The following DYM variants were observed in gnomAD, a reference collection of about 807,000 sequenced individuals.
DYM encodes dymeclin.
A neutral mutation model predicts 93.1 loss-of-function variants in DYM; 78 were observed. The ratio of observed to expected loss-of-function variants is 0.84; its 90% CI spans 0.70 to 1.01. The LOEUF (loss-of-function observed/expected upper bound fraction) is 1.01. Ranked by LOEUF, DYM falls within the 50% of genes least tolerant of loss-of-function variation. The pLI, the probability that DYM is intolerant of heterozygous loss-of-function variation, is 0.00. For missense variants in DYM, 789 were observed against 845.0 expected (o/e 0.93, Z 0.82); for synonymous variants, 321 against 319.7 (o/e 1.00, Z -0.04).
intron 14 of DYM, among the ~76,000 whole-genome samples, chr18:49,200,777 T>C (rs1415508008): frequency 2.0e-5 from 3 of 152,162 alleles, no homozygotes; most frequent in African/African-American, 4.8e-5. Context: ...ATGTAAATGA[T>C]GTTTTGATAT....
At chr18:49,310,651 T>C (rs2061535745) in intron 8 of DYM, among the ~76,000 whole-genome samples, 1 of 152,204 alleles carries the variant, frequency 6.6e-6, no homozygotes, top group Non-Finnish European at 1.5e-5. Context: ...GAGTATATAC[T>C]CATATCTGTA....
chr18:49,146,411 G>T (rs766189814), intron 15 of DYM, among the ~76,000 whole-genome samples: 8 of 152,182 alleles, frequency 5.3e-5, no homozygotes, highest in East Asian at 1.9e-4. Flanking sequence ...AATTGTCCCT[G>T]TTTGCAGATG....
intron 13 of DYM, among the ~76,000 whole-genome samples, chr18:49,230,400 C>A (rs766953476): frequency 3.9e-5 from 6 of 152,170 alleles, no homozygotes; most frequent in Non-Finnish European, 8.8e-5. Context: ...TCTCTCTACA[C>A]TTTTCACATG....
intron 8 of DYM, among the ~76,000 whole-genome samples, chr18:49,291,797 TG>T (rs2060130756): frequency 6.6e-6 from 1 of 152,184 alleles, no homozygotes; most frequent in African/African-American, 2.4e-5. Context: ...ATGACATAGT[TG>T]AAGAACTTGA....
chr18:49,243,877 G>A (rs748533213), intron 13 of DYM, among the ~76,000 whole-genome samples: 9 of 151,994 alleles, frequency 5.9e-5, no homozygotes, highest in Admixed American at 2.0e-4. Flanking sequence ...TGACAGAGTT[G>A]TATATACTTC....
intron 8 of DYM, among the ~76,000 whole-genome samples, chr18:49,309,137 A>C (rs2061441194): frequency 6.6e-6 from 1 of 152,150 alleles, no homozygotes; most frequent in African/African-American, 2.4e-5. Context: ...GTATAATTTA[A>C]ATATCTATGA....
rs1377050073 is a variant in DYM at position 49,167,599 on chromosome 18, C to G, written c.1626-3812G>C. Among the ~76,000 whole-genome samples, 4 of 152,136 alleles carry G rather than the reference C, an allele frequency of 2.6e-5. No homozygotes were observed. In the East Asian group the frequency reaches 7.7e-4, roughly 29 times the overall value. On this transcript the variant is annotated intron_variant, in intron 14 of 17. Coordinates refer to ENST00000675505, the MANE Select transcript of DYM (RefSeq NM_001353214.3). ...ATGTATACGAGACATGACTTGCAAACTGCTTAGTGAAAAGAGTAACTTTTG... is the reference window on the plus strand; with the variant it reads ...ATGTATACGAGACATGACTTGCAAAGTGCTTAGTGAAAAGAGTAACTTTTG...
At chr18:49,331,161 T>C (rs2063279230) in intron 8 of DYM, among the ~76,000 whole-genome samples, 1 of 152,010 alleles carries the variant, frequency 6.6e-6, no homozygotes, top group Non-Finnish European at 1.5e-5. Flanking sequence ...TTGGGAGGAG[T>C]AAGGAACTCC....
At chr18:49,246,358 G>A (rs1416023091) in intron 13 of DYM, among the ~76,000 whole-genome samples, 1 of 152,088 alleles carries the variant, frequency 6.6e-6, no homozygotes, top group African/African-American at 2.4e-5. Context: ...CTTGGAAAAG[G>A]TACTTTTTAA....
intron 6 of DYM, among the ~76,000 whole-genome samples, chr18:49,348,547 T>C (rs2064813523): frequency 6.6e-6 from 1 of 151,886 alleles, no homozygotes; most frequent in African/African-American, 2.4e-5. Context: ...ATCAACTTCA[T>C]CATATATAAA....
intron 2 of DYM, among the ~76,000 whole-genome samples, chr18:49,402,032 A>T (rs934359433): frequency 6.6e-6 from 1 of 151,980 alleles, no homozygotes; most frequent in African/African-American, 2.4e-5. Flanking sequence ...GTCTCAAAAA[A>T]AAAAAAAAAG....
In DYM at chr18:49,232,266, CT is replaced by C. The variant is rs2093717864; in HGVS notation, c.1461-22552del. On this transcript the variant is annotated intron_variant, in intron 13 of 17. Transcript: ENST00000675505. Reference sequence around the variant, plus strand: ...TGTATTAGCTGGCCATACGGAAATTCTACTTGATTGAAACAGAATTTCTTCT... The same window carrying C: ...TGTATTAGCTGGCCATACGGAAATTCACTTGATTGAAACAGAATTTCTTCT... 2.0e-5 allele frequency among the ~76,000 whole-genome samples: 3 copies of C among 151,682 alleles called. No individual in the cohort carries two copies. The South Asian group carries it at 6.3e-4, about 32-fold the overall frequency.
At chr18:49,123,014 TTC>T (rs989010937) in intron 15 of DYM, among the ~76,000 whole-genome samples, 1 of 152,198 alleles carries the variant, frequency 6.6e-6, no homozygotes, top group Non-Finnish European at 1.5e-5. Flanking sequence ...AGTTAACTAG[TTC>T]TCTCTCACAG....
chr18:49,256,409 T>G (rs2094395153), intron 13 of DYM, among the ~76,000 whole-genome samples: 1 of 152,284 alleles, frequency 6.6e-6, no homozygotes, highest in Admixed American at 6.5e-5. Context: ...GAAGGGGCCA[T>G]GAGCCAAGGA....
chr18:49,090,587 A>G (rs1273561643), intron 17 of DYM, among the ~76,000 whole-genome samples: 1 of 152,216 alleles, frequency 6.6e-6, no homozygotes, highest in Admixed American at 6.5e-5. Context: ...TCAGGCCCTG[A>G]ACATACACAT....
intron 13 of DYM, among the ~76,000 whole-genome samples, chr18:49,232,881 A>G (rs1225556742): frequency 6.6e-6 from 1 of 151,936 alleles, no homozygotes; most frequent in Non-Finnish European, 1.5e-5. Flanking sequence ...AAGTGCTGGG[A>G]TTACGGGAGT....
chr18:49,339,902 G>A (rs574962945), intron 6 of DYM, among the ~76,000 whole-genome samples: 2 of 152,286 alleles, frequency 1.3e-5, no homozygotes, highest in East Asian at 3.9e-4. Context: ...ATGAGGCGGA[G>A]CCACACATGG....
chr18:49,372,498 T>C (rs2067135749), intron 5 of DYM, among the ~76,000 whole-genome samples: 1 of 152,158 alleles, frequency 6.6e-6, no homozygotes, highest in Non-Finnish European at 1.5e-5. Flanking sequence ...ATCCCAGCAC[T>C]TTGGGAGGCC....
chr18:49,444,515 T>C (rs1038414688), intron 1 of DYM, among the ~76,000 whole-genome samples: 2 of 152,310 alleles, frequency 1.3e-5, no homozygotes, highest in Admixed American at 6.5e-5. Flanking sequence ...TCACAAGTCA[T>C]GTCAAGATGC....
Sources: gnomAD v4.1 joint callset for allele counts (sites outside exome capture counted in the v4.1 genomes callset) on GRCh38, gnomAD v4.1.1 for gene constraint, MANE v1.5 for transcripts, NCBI Gene and HGNC (gene_info 2026-07-23, HGNC 2026-07-21) for gene names.